TRIO: variants seen among roughly 807,000 people sequenced by gnomAD.
TRIO encodes the protein trio Rho guanine nucleotide exchange factor.
TRIO carries 58 observed loss-of-function variants against 351.9 expected under a neutral mutation model. The observed-to-expected ratio is 0.16, with a 90% CI of 0.13 to 0.21. The LOEUF is 0.21. TRIO is among the 10% of genes least tolerant of loss of function. TRIO has a pLI of 1.00. For missense variants in TRIO, 3,201 were observed against 4,027.8 expected, an observed-to-expected ratio of 0.79 and a Z score of 5.56; for synonymous variants, 1,758 against 1,595.7, an observed-to-expected ratio of 1.10 and a Z score of -2.42.
Position 14,461,182 on chromosome 5 carries a change from C to T in TRIO, c.5367C>T (p.Ala1789=), listed in dbSNP as rs775178451. 7.1e-6 allele frequency: 11 copies of T among 1,560,060 alleles called. No homozygotes were observed. In the South Asian group the frequency reaches 7.1e-5, roughly 10 times the overall value. Residue 1789 remains alanine (A), a synonymous_variant, in exon 35 of 57, where the codon GCC becomes GCT. Coordinates refer to ENST00000344204, the MANE Select transcript of TRIO (RefSeq NM_007118.4). Reference sequence around the variant, plus strand: ...TGCGGCGGCTCAGCAGCGGCAAGGCCGACGGGCACGTGAAGAAGCTGGCGC... The same window carrying T: ...TGCGGCGGCTCAGCAGCGGCAAGGCTGACGGGCACGTGAAGAAGCTGGCGC... ...SPVRRLSSGK[A]DGHVKKLAHK...
intron 1 of TRIO, among the ~76,000 whole-genome samples, chr5:14,258,498 C>A (rs1162797530): frequency 6.6e-6 from 1 of 152,138 alleles, no homozygotes; most frequent in African/African-American, 2.4e-5. Context: ...ACTGAGATGT[C>A]CTGTCAGGAG....
Position 14,387,735 on chromosome 5 carries a change from A to G in TRIO, c.3769A>G (p.Lys1257Glu). ...CATTGGCTCTGTTATTCCACAGAGT[A>G]AAAGTCTCCAGCTAGATATCATTCC... Reference protein sequence around the residue: ...GISSDSNKSSKSLQLDIIPAS... With the variant: ...GISSDSNKSSESLQLDIIPAS... Residue 1257 changes from lysine to glutamate, a missense_variant, in exon 23 of 57, where the codon AAA (lysine) becomes GAA (glutamate). By Grantham distance (56) the Lys-to-Glu change is moderately conservative (BLOSUM62 1). Transcript: ENST00000344204. 2 of 1,614,232 alleles carry G rather than the reference A, an allele frequency of 1.2e-6. No individual in the cohort carries two copies. The highest frequency in any genetic ancestry group is 1.7e-6 in the Non-Finnish European group (2 of 1,180,024).
At chr5:14,430,713 T>C (rs1751032813) in intron 34 of TRIO, among the ~76,000 whole-genome samples, 2 of 151,708 alleles carry the variant, frequency 1.3e-5, no homozygotes, top group African/African-American at 4.9e-5. Flanking sequence ...TATTTTATTT[T>C]ATTTTATTTA....
chr5:14,365,813 T>C (rs1228459775), intron 15 of TRIO, among the ~76,000 whole-genome samples: 1 of 152,218 alleles, frequency 6.6e-6, no homozygotes, highest in Non-Finnish European at 1.5e-5. Context: ...TGGTGATGGC[T>C]GGCCTTTCCC....
Position 14,365,619 on chromosome 5 carries a change from C to G in TRIO, c.2754+803C>G, listed in dbSNP as rs368923444. Reference sequence around the variant, plus strand: ...CAAAGCCCTCCTTCTTGCCAAAACACAAAACAGTTTATTTAAGAAATAACG... The same window carrying G: ...CAAAGCCCTCCTTCTTGCCAAAACAGAAAACAGTTTATTTAAGAAATAACG... On this transcript the variant is annotated intron_variant, in intron 15 of 56. Coordinates refer to ENST00000344204, the MANE Select transcript of TRIO (RefSeq NM_007118.4). Among the ~76,000 whole-genome samples the G allele has an allele frequency of 7.2e-5, 11 of 152,204 alleles. No homozygotes were observed. In the East Asian group the frequency reaches 9.6e-4, roughly 13 times the overall value.
chr5:14,501,699 G>A (rs765512153), intron 53 of TRIO, among the ~76,000 whole-genome samples: 8 of 152,222 alleles, frequency 5.3e-5, no homozygotes, highest in Non-Finnish European at 1.0e-4. Flanking sequence ...CTGGGGAGAG[G>A]TGAGGAAGCC....
intron 34 of TRIO, among the ~76,000 whole-genome samples, chr5:14,423,364 G>A (rs1435801333): frequency 1.3e-5 from 2 of 152,196 alleles, no homozygotes; most frequent in Admixed American, 1.3e-4. Context: ...TCGGTGTCAC[G>A]TCACCATTGT....
At chr5:14,174,693 C>G (rs1014990599) in intron 1 of TRIO, among the ~76,000 whole-genome samples, 1 of 152,178 alleles carries the variant, frequency 6.6e-6, no homozygotes, top group Non-Finnish European at 1.5e-5. Context: ...TTGTGACATT[C>G]CCTCCATAGG....
At chr5:14,383,084 G>A (rs1019767273) in intron 21 of TRIO, among the ~76,000 whole-genome samples, 3 of 152,182 alleles carry the variant, frequency 2.0e-5, no homozygotes, top group Non-Finnish European at 4.4e-5. Flanking sequence ...GCTCAAGGGA[G>A]GCTGAGGTGG....
Position 14,286,915 on chromosome 5 carries a change from G to A in TRIO, c.392G>A (p.Arg131His). ...GGCTTCACGGTGATCGTGGACATGC[G>A]TGGGTCCAAGTGGGACTCCATCAAG... ...KRGFTVIVDMRGSKWDSIKPL... is the reference protein window; with the variant it reads ...KRGFTVIVDMHGSKWDSIKPL... Residue 131 changes from arginine to histidine, a missense_variant, in exon 4 of 57, where the codon CGT becomes CAT. Transcript: ENST00000344204. This position sits in a 1 kb window ranked among gnomAD's most constrained non-coding sequence, Gnocchi z 4.4. 1 of 1,613,962 alleles carries A rather than the reference G, an allele frequency of 6.2e-7. No homozygotes were observed. The highest frequency in any genetic ancestry group is 1.3e-5 in the African/African-American group (1 of 75,020).
At chr5:14,228,933 T>G (rs1793220759) in intron 1 of TRIO, among the ~76,000 whole-genome samples, 1 of 152,166 alleles carries the variant, frequency 6.6e-6, no homozygotes. Flanking sequence ...GCCATCCTGA[T>G]CTCAGGCTGT....
At chr5:14,334,667 G>A (rs901336772) in intron 10 of TRIO, among the ~76,000 whole-genome samples, 10 of 152,212 alleles carry the variant, frequency 6.6e-5, no homozygotes, top group African/African-American at 2.2e-4. Context: ...TTGCTACACC[G>A]TTAGCTTCAT....
chr5:14,476,803 A>T, intron 40 of TRIO, 91 bp from the exon 41 acceptor site: 1 of 1,143,976 alleles, frequency 8.7e-7, no homozygotes. Flanking sequence ...AAAAAAAAAA[A>T]GAAAAAAAGA....
chr5:14,375,383 TGG>T (rs1745465384), intron 19 of TRIO, among the ~76,000 whole-genome samples: 10 of 125,722 alleles, frequency 8.0e-5, no homozygotes, highest in African/African-American at 1.5e-4. Flanking sequence ...GAAGATATTG[TGG>T]TCCTTTTTAG....
rs779824023 is a variant in TRIO at position 14,498,634 on chromosome 5, G to T, written c.8326G>T (p.Val2776Phe). 6.2e-7 allele frequency: 1 copy of T among 1,613,838 alleles called. No homozygotes were observed. The highest frequency in any genetic ancestry group is 1.3e-5 in the African/African-American group (1 of 75,054). ...AGCCTCATCGTCGGCCAGCCTGAGG[G>T]TCCTAGGTAAGCACCGTGCAACGAG... Reference protein sequence around the residue: ...GSASSSASLRVLGPGMDGIMV... With the variant: ...GSASSSASLRFLGPGMDGIMV... Residue 2776 changes from valine (V) to phenylalanine (F), a missense_variant, in exon 53 of 57, where the codon GTC (valine) becomes TTC (phenylalanine). Physicochemically the swap from Val to Phe is conservative, Grantham distance 50 (BLOSUM62 -1). Coordinates refer to ENST00000344204, the MANE Select transcript of TRIO (RefSeq NM_007118.4).
intron 1 of TRIO, among the ~76,000 whole-genome samples, chr5:14,168,969 G>A (rs916584007): frequency 4.6e-5 from 7 of 152,332 alleles, no homozygotes; most frequent in Non-Finnish European, 7.3e-5. Context: ...AGGCCTTGCC[G>A]ACTGTCCTAC....
At chr5:14,218,504 A>G (rs1792368125) in intron 1 of TRIO, among the ~76,000 whole-genome samples, 1 of 152,236 alleles carries the variant, frequency 6.6e-6, no homozygotes. Flanking sequence ...TGATGTTGAA[A>G]TACAAACAAA....
At chr5:14,430,051 AC>A (rs1246220421) in intron 34 of TRIO, among the ~76,000 whole-genome samples, 46 of 152,060 alleles carry the variant, frequency 3.0e-4, no homozygotes, top group Non-Finnish European at 4.4e-4. Context: ...TGCGGGAGAT[AC>A]CCTCACATGT....
intron 48 of TRIO, chr5:14,492,289 A>G: frequency 4.2e-6 from 2 of 470,812 alleles, no homozygotes; most frequent in Non-Finnish European, 7.7e-6. Context: ...GGAAGACCAC[A>G]GTGGAACGAG....
Sources: allele counts gnomAD v4.1 joint callset (sites outside exome capture counted in the v4.1 genomes callset), GRCh38; gene constraint gnomAD v4.1.1; non-coding constraint Gnocchi (gnomAD v3.1); transcripts MANE v1.5; gene names NCBI Gene and HGNC (gene_info 2026-07-23, HGNC 2026-07-21).